RALYL: variants seen among roughly 807,000 people sequenced by gnomAD.
RALYL encodes RNA-binding Raly-like protein.
In RALYL, 29 loss-of-function variants were observed where a neutral mutation model predicts 35.1. That is an observed-to-expected ratio of 0.83 (90% CI 0.61 to 1.13). The LOEUF is 1.13. Ranked by LOEUF, RALYL falls within the 50% of genes most tolerant of loss-of-function variation. The pLI is 0.00. For missense variants in RALYL, 359 were observed against 360.4 expected, an observed-to-expected ratio of 1.00 and a Z score of 0.03; for synonymous variants, 120 against 127.6, an observed-to-expected ratio of 0.94 and a Z score of 0.40.
intron 1 of RALYL, among the ~76,000 whole-genome samples, chr8:84,295,227 A>G (rs1168151674): frequency 6.6e-6 from 1 of 152,118 alleles, no homozygotes; most frequent in Non-Finnish European, 1.5e-5. Context: ...AGAGTTGGGT[A>G]AGGATAAGGA....
At chr8:84,791,649 A>G (rs1820806675) in intron 3 of RALYL, among the ~76,000 whole-genome samples, 1 of 152,218 alleles carries the variant, frequency 6.6e-6, no homozygotes, top group African/African-American at 2.4e-5. Flanking sequence ...TGAGATGTCA[A>G]ATAAAAATGG....
chr8:84,510,298 G>T (rs1225569139), intron 1 of RALYL, among the ~76,000 whole-genome samples: 4 of 152,106 alleles, frequency 2.6e-5, no homozygotes, highest in Non-Finnish European at 5.9e-5. Flanking sequence ...TTTAAATACT[G>T]TATTTTTAAT....
chr8:84,845,430 C>T (rs939196245), intron 4 of RALYL, among the ~76,000 whole-genome samples: 21 of 152,062 alleles, frequency 1.4e-4, no homozygotes, highest in Non-Finnish European at 2.8e-4. Context: ...TGATTAGTGA[C>T]GATGACCATT....
intron 4 of RALYL, among the ~76,000 whole-genome samples, chr8:84,840,794 G>A (rs1833098275): frequency 6.6e-6 from 1 of 152,232 alleles, no homozygotes; most frequent in Admixed American, 6.5e-5. Context: ...CAAGCCAGAA[G>A]AGAGTGGGGG....
intron 2 of RALYL, among the ~76,000 whole-genome samples, chr8:84,766,471 A>T (rs943908220): frequency 7.7e-4 from 117 of 151,620 alleles, no homozygotes; most frequent in African/African-American, 2.8e-3. Context: ...AGGTGGGTGG[A>T]TCACGAGTTC....
chr8:84,608,244 C>G (rs552851411), intron 2 of RALYL, among the ~76,000 whole-genome samples: 4 of 152,170 alleles, frequency 2.6e-5, no homozygotes, highest in Admixed American at 2.6e-4. Context: ...CTCGGGATAA[C>G]CTAGGGTAAA....
chr8:84,431,997 G>A (rs2047195306), intron 1 of RALYL, among the ~76,000 whole-genome samples: 1 of 152,106 alleles, frequency 6.6e-6, no homozygotes, highest in Non-Finnish European at 1.5e-5. Context: ...GTAAAATTCT[G>A]TAGCAGCTAT....
intron 2 of RALYL, among the ~76,000 whole-genome samples, chr8:84,697,061 A>G (rs1589069209): frequency 6.6e-6 from 1 of 152,020 alleles, no homozygotes; most frequent in Non-Finnish European, 1.5e-5. Flanking sequence ...CAGGAAAGGA[A>G]TTAGGAGGAC....
chr8:84,193,389 C>A (rs1046239957), intron 1 of RALYL, among the ~76,000 whole-genome samples: 1 of 152,022 alleles, frequency 6.6e-6, no homozygotes, highest in Admixed American at 6.6e-5. Context: ...TTAGTAGTAG[C>A]GCAAGGAGAT....
intron 1 of RALYL, among the ~76,000 whole-genome samples, chr8:84,360,761 GC>G (rs1852822122): frequency 6.6e-6 from 1 of 152,098 alleles, no homozygotes; most frequent in Admixed American, 6.6e-5. Flanking sequence ...TGATATGCCT[GC>G]AGGCATTGAG....
intron 2 of RALYL, among the ~76,000 whole-genome samples, chr8:84,746,421 A>T (rs1808619209): frequency 6.6e-6 from 1 of 151,924 alleles, no homozygotes; most frequent in African/African-American, 2.4e-5. Flanking sequence ...CATGTCAGAA[A>T]ATTTTGCTTG....
intron 2 of RALYL, among the ~76,000 whole-genome samples, chr8:84,620,743 T>A (rs1249082560): frequency 6.6e-6 from 1 of 151,184 alleles, no homozygotes; most frequent in African/African-American, 2.4e-5. Context: ...TTTTGGTCTT[T>A]GATGATGGTG....
chr8:84,507,780 GTTTA>G (rs1281284234), intron 1 of RALYL, among the ~76,000 whole-genome samples: 1 of 152,144 alleles, frequency 6.6e-6, no homozygotes, highest in Non-Finnish European at 1.5e-5. Flanking sequence ...ATTACAAGCA[GTTTA>G]TTTGAGTTTA....
intron 2 of RALYL, among the ~76,000 whole-genome samples, chr8:84,649,099 C>T (rs1304720815): frequency 1.3e-5 from 2 of 152,012 alleles, no homozygotes; most frequent in Non-Finnish European, 2.9e-5. Flanking sequence ...ATCATATTCA[C>T]TCATTTATTA....
intron 8 of RALYL, among the ~76,000 whole-genome samples, chr8:84,894,098 G>A (rs762557637): frequency 6.6e-6 from 1 of 152,106 alleles, no homozygotes; most frequent in African/African-American, 2.4e-5. Context: ...AAACATTCTG[G>A]TACACCATTG....
At chr8:84,426,436 C>CTGTGTGTGTGTG (rs746277761) in intron 1 of RALYL, among the ~76,000 whole-genome samples, 755 of 130,908 alleles carry the variant, frequency 5.8e-3, no homozygotes, top group East Asian at 7.9e-3. Context: ...CTCTCTCTCT[C>CTGTGTGTGTGTG]TCTGTGTGTG....
At chr8:84,787,944 A>G (rs1819924130) in intron 3 of RALYL, among the ~76,000 whole-genome samples, 1 of 152,152 alleles carries the variant, frequency 6.6e-6, no homozygotes, top group South Asian at 2.1e-4. Flanking sequence ...GTAGATTGCA[A>G]AAATTTTCCC....
chr8:84,704,101 A>T (rs187181061), intron 2 of RALYL, among the ~76,000 whole-genome samples: 1 of 152,304 alleles, frequency 6.6e-6, no homozygotes, highest in Non-Finnish European at 1.5e-5. Context: ...TTGTGATTGT[A>T]TGGACTTTAT....
intron 1 of RALYL, among the ~76,000 whole-genome samples, chr8:84,235,976 AG>A (rs1276960193): frequency 1.3e-5 from 2 of 151,994 alleles, no homozygotes; most frequent in African/African-American, 4.8e-5. Flanking sequence ...CATGTTGGCC[AG>A]GATGGTCTTG....
Sources: allele counts gnomAD v4.1 joint callset (sites outside exome capture counted in the v4.1 genomes callset), GRCh38; gene constraint gnomAD v4.1.1; transcripts MANE v1.5; gene names NCBI Gene and HGNC (gene_info 2026-07-23, HGNC 2026-07-21).